SLC35F1: variants seen among roughly 807,000 people sequenced by gnomAD.
SLC35F1 encodes solute carrier family 35 member F1.
Under a neutral mutation model 48.7 loss-of-function variants are expected in SLC35F1, and 14 were observed. That is an observed-to-expected ratio of 0.29 (90% CI 0.19 to 0.45). The LOEUF (loss-of-function observed/expected upper bound fraction) is 0.45, where lower values mean the gene tolerates loss of function less well. Ranked by LOEUF, SLC35F1 falls within the 20% of genes least tolerant of loss-of-function variation. The probability of loss-of-function intolerance (pLI) is 1.00; values close to 1 mark genes in which losing one functional copy is unlikely to be tolerated. For synonymous variants in SLC35F1, 190 were observed against 202.2 expected (o/e 0.94, Z 0.51); for missense variants, 404 against 500.0 (o/e 0.81, Z 1.83).
chr6:117,991,488 A>G (rs561225063), intron 1 of SLC35F1, among the ~76,000 whole-genome samples: 2 of 152,230 alleles, frequency 1.3e-5, no homozygotes, highest in South Asian at 2.1e-4. Flanking sequence ...TTAAATCTTG[A>G]TTTTTCACTT....
At chr6:117,912,990 G>C (rs1363291021) in intron 1 of SLC35F1, among the ~76,000 whole-genome samples, 1 of 152,186 alleles carries the variant, frequency 6.6e-6, no homozygotes, top group African/African-American at 2.4e-5. Context: ...AGAAGGTATA[G>C]GCAATTGAGC....
chr6:117,999,523 G>A, intron 1 of SLC35F1: 2 of 939,548 alleles, frequency 2.1e-6, no homozygotes, highest in Admixed American at 4.6e-5. Flanking sequence ...ATCTGCATGG[G>A]GCTGGGGTCC....
intron 1 of SLC35F1, among the ~76,000 whole-genome samples, chr6:118,042,446 C>T (rs1001187113): frequency 2.8e-4 from 42 of 152,146 alleles, no homozygotes; most frequent in African/African-American, 1.0e-3. Context: ...TGAAGAAGGT[C>T]ATCTCAGACC....
In SLC35F1 at chr6:117,926,387, A is replaced by G. The variant is rs78819835; in HGVS notation, c.173+18488A>G. On this transcript the variant is annotated intron_variant, in intron 1 of 7. Coordinates refer to ENST00000360388, the MANE Select transcript of SLC35F1 (RefSeq NM_001029858.4). ...TTTGTCAATTAAGCCTCTTTTCTTT[A>G]TAAATTACCCAGTCTTGAGTTTTTT... Among the ~76,000 whole-genome samples the G allele has an allele frequency of 7.2e-5, 11 of 152,264 alleles. 1 individual carries two copies. In the East Asian group the frequency reaches 2.1e-3, roughly 29 times the overall value.
rs201901940 is a variant in SLC35F1, at chr6:117,923,667, A to G, written c.173+15768A>G. Among the ~76,000 whole-genome samples the G allele has an allele frequency of 7.0e-3, 344 of 49,380 alleles. 40 individuals carry two copies. The highest frequency in any genetic ancestry group is 0.017 in the East Asian group (23 of 1,346). 32.4% of individuals were successfully genotyped at this position (49,380 alleles called of 152,430 possible). A position where few individuals can be genotyped will look rare whatever the true frequency, so the allele number is the denominator to read the frequency against. On this transcript the variant is annotated intron_variant, in intron 1 of 7. Transcript: ENST00000360388. Reference sequence around the variant, plus strand: ...TGTACATATGTACATATGTATATATACATATATGTACATATATACATATGT... The same window carrying G: ...TGTACATATGTACATATGTATATATGCATATATGTACATATATACATATGT...
chr6:118,021,732 G>A (rs891453800), intron 1 of SLC35F1, among the ~76,000 whole-genome samples: 3 of 152,232 alleles, frequency 2.0e-5, no homozygotes, highest in Non-Finnish European at 4.4e-5. Context: ...TTTTATTGGC[G>A]CATGATTTTG....
chr6:118,298,676 A>G (rs1003466375), intron 7 of SLC35F1, among the ~76,000 whole-genome samples: 5 of 152,174 alleles, frequency 3.3e-5, no homozygotes, highest in Admixed American at 3.3e-4. Context: ...CTTTCCTCTG[A>G]ATGACTTCTG....
At chr6:117,923,643 G>GTACACATATACACATGTATATA (rs1562238592) in intron 1 of SLC35F1, among the ~76,000 whole-genome samples, 1 of 58,738 alleles carries the variant, frequency 1.7e-5, no homozygotes. Context: ...ATGTACATAT[G>GTACACATATACACATGTATATA]TACATATGTA....
chr6:118,093,175 G>T (rs1773101251), intron 1 of SLC35F1, among the ~76,000 whole-genome samples: 4 of 152,090 alleles, frequency 2.6e-5, no homozygotes. Context: ...AATTAGCAGG[G>T]TGTGGTGACA....
chr6:118,092,420 G>A (rs1773088006), intron 1 of SLC35F1, among the ~76,000 whole-genome samples: 1 of 152,254 alleles, frequency 6.6e-6, no homozygotes, highest in Non-Finnish European at 1.5e-5. Context: ...GAAGTTTGGT[G>A]CATGGGCAAG....
At chr6:118,164,138 A>G (rs79489644) in intron 2 of SLC35F1, among the ~76,000 whole-genome samples, 1,908 of 152,326 alleles carry the variant, frequency 0.013, 34 homozygotes, top group African/African-American at 0.042. Context: ...ACCAAATTTA[A>G]ATGTGATACT....
chr6:118,180,666 C>CA (rs2114509470), intron 2 of SLC35F1, among the ~76,000 whole-genome samples: 1 of 151,490 alleles, frequency 6.6e-6, no homozygotes, highest in African/African-American at 2.4e-5. Flanking sequence ...GGACGCAGGA[C>CA]AAAAATAGAA....
chr6:118,078,537 T>A (rs1772855831), intron 1 of SLC35F1, among the ~76,000 whole-genome samples: 1 of 152,136 alleles, frequency 6.6e-6, no homozygotes, highest in African/African-American at 2.4e-5. Context: ...AAGAAAAAAA[T>A]AAAATAAAAA....
At chr6:118,041,050 C>A (rs994645388) in intron 1 of SLC35F1, among the ~76,000 whole-genome samples, 2 of 151,984 alleles carry the variant, frequency 1.3e-5, no homozygotes, top group African/African-American at 4.8e-5. Flanking sequence ...ATGAAAAAGA[C>A]TTAAATGTTC....
intron 1 of SLC35F1, among the ~76,000 whole-genome samples, chr6:118,042,348 C>T (rs149619277): frequency 2.2e-4 from 33 of 152,206 alleles, no homozygotes; most frequent in African/African-American, 6.7e-4. Context: ...AAATGAAGCA[C>T]GTTGGGTGGT....
At position 118,188,447 on chromosome 6, in the gene SLC35F1, G is replaced by A. The variant is rs527523117; in HGVS notation, c.349+33827G>A. On this transcript the variant is annotated intron_variant, in intron 2 of 7. Transcript: ENST00000360388. ...CACCTGTAATCCCAGCTACTCGGGA[G>A]GCTGAGGCAGGAGAATCACTTGAAC... Among the ~76,000 whole-genome samples, 14 of 152,118 alleles carry A rather than the reference G, an allele frequency of 9.2e-5. No homozygotes were observed. The South Asian group carries it at 2.5e-3, about 27-fold the overall frequency.
At chr6:117,923,740 CAT>C (rs370907863) in intron 1 of SLC35F1, among the ~76,000 whole-genome samples, 7 of 60,314 alleles carry the variant, frequency 1.2e-4, no homozygotes, top group South Asian at 8.1e-4. Context: ...TGTATATATA[CAT>C]ATATGTACAT....
At chr6:117,972,944 G>A (rs555288260) in intron 1 of SLC35F1, among the ~76,000 whole-genome samples, 1 of 152,322 alleles carries the variant, frequency 6.6e-6, no homozygotes, top group South Asian at 2.1e-4. Context: ...TGTTAAAATT[G>A]TGGAATTTTA....
chr6:118,094,523 TAGAC>T (rs1203396558), intron 1 of SLC35F1, among the ~76,000 whole-genome samples: 1 of 151,988 alleles, frequency 6.6e-6, no homozygotes, highest in Non-Finnish European at 1.5e-5. Context: ...GAGAATAAAA[TAGAC>T]AGAAGAGAAG....
Sources: gnomAD v4.1 joint callset for allele counts (sites outside exome capture counted in the v4.1 genomes callset) on GRCh38, gnomAD v4.1.1 for gene constraint, MANE v1.5 for transcripts, NCBI Gene and HGNC (gene_info 2026-07-23, HGNC 2026-07-21) for gene names.